The following COL4A1 variants were observed in gnomAD, a reference collection of about 807,000 sequenced individuals.
COL4A1 encodes collagen type IV alpha 1 chain, also known as collagen alpha-1(IV) chain.
A neutral mutation model predicts 216.6 loss-of-function variants in COL4A1; 40 were observed. That is an observed-to-expected ratio of 0.18 (90% confidence interval 0.14 to 0.24). The LOEUF (loss-of-function observed/expected upper bound fraction) is 0.24. COL4A1 is among the 10% of genes least tolerant of loss of function. The pLI is 1.00. For missense variants in COL4A1, 1,628 were observed against 2,196.8 expected (o/e 0.74, Z 5.18); for synonymous variants, 839 against 810.7 (o/e 1.03, Z -0.59).
intron 2 of COL4A1, among the ~76,000 whole-genome samples, chr13:110,237,916 CT>C (rs1221803689): frequency 1.7e-4 from 26 of 152,250 alleles, no homozygotes. Context: ...ACATTAAACT[CT>C]TCCCAGATTT....
chr13:110,186,257 C>T (rs1369372144), intron 26 of COL4A1, 128 bp downstream of exon 26: 2 of 1,213,078 alleles, frequency 1.6e-6, no homozygotes, highest in South Asian at 1.2e-5. Flanking sequence ...TGCCCCAATT[C>T]CTGGAAGAAT....
At chr13:110,218,754 T>C (rs1181987300) in intron 2 of COL4A1, among the ~76,000 whole-genome samples, 1 of 152,146 alleles carries the variant, frequency 6.6e-6, no homozygotes, top group Non-Finnish European at 1.5e-5. Context: ...GGCTGAGAGG[T>C]GCAGGGCAAG....
At position 110,173,913 on chromosome 13, in the gene COL4A1, C is replaced by A; in HGVS notation, c.3492G>T (p.Glu1164Asp). ...GTTGGGCCATACCTGGTTCACCCTT[C>A]TCTCCTGCTGACCCCGGGATTCCAT... ...GSDGIPGSAGEKGEPGLPGRG... is the reference protein window; with the variant it reads ...GSDGIPGSAGDKGEPGLPGRG... Residue 1164 changes from glutamate to aspartate, a missense_variant, in exon 40 of 52, where the codon GAG becomes GAT. Glu to Asp is a conservative substitution (Grantham distance 45). Transcript: ENST00000375820. 4 of 1,614,238 alleles carry A rather than the reference C, an allele frequency of 2.5e-6. No individual in the cohort carries two copies. The African/African-American group carries it at 4.0e-5, about 16-fold the overall frequency.
chr13:110,214,733 G>T (rs1041635371), intron 2 of COL4A1, among the ~76,000 whole-genome samples: 1 of 152,170 alleles, frequency 6.6e-6, no homozygotes, highest in African/African-American at 2.4e-5. Context: ...GCTGGCCTTG[G>T]ACCCAGTTAC....
chr13:110,268,317 C>T lies in COL4A1; in HGVS notation c.85-25583G>A, dbSNP rs9301441. ...ACTCTGATGCCTGTCGTGCCAGGCT[C>T]AGGAGCTTGGACCTGAATGCAAAAG... On this transcript the variant is annotated intron_variant, in intron 1 of 51. Transcript: ENST00000375820. This position sits in a 1 kb window ranked among gnomAD's most constrained non-coding sequence, Gnocchi z 4.1. Among the ~76,000 whole-genome samples the T allele has an allele frequency of 0.49, 74,789 of 151,906 alleles. 19,579 individuals carry two copies. Among genetic ancestry groups the T allele is most frequent in the Admixed American group, 0.6 (9,194 of 15,284 alleles).
At chr13:110,239,323 T>C (rs1881456809) in intron 2 of COL4A1, among the ~76,000 whole-genome samples, 1 of 152,198 alleles carries the variant, frequency 6.6e-6, no homozygotes. Flanking sequence ...ACTGGAGATA[T>C]TCCAGTTTCT....
intron 24 of COL4A1, among the ~76,000 whole-genome samples, chr13:110,189,693 CTT>C (rs1878549995): frequency 6.6e-6 from 1 of 152,204 alleles, no homozygotes; most frequent in African/African-American, 2.4e-5. Flanking sequence ...AACTGTTTCT[CTT>C]GAGTTAATAT....
In COL4A1 at chr13:110,213,766, T is replaced by A; in HGVS notation, c.279+16A>T. On this transcript the variant is annotated intron_variant, in intron 4 of 51. Transcript: ENST00000375820. ...CACGCATGGAATCATCGATTGTGAG[T>A]AGCAACTGTACTCACTCTTGTCCCT... 1 of 1,613,684 alleles carries A rather than the reference T, an allele frequency of 6.2e-7. No homozygotes were observed. Among genetic ancestry groups the A allele is most frequent in the Non-Finnish European group, 8.5e-7 (1 of 1,179,610 alleles).
chr13:110,199,353 A>C (rs1403981112), intron 20 of COL4A1, among the ~76,000 whole-genome samples: 1 of 152,206 alleles, frequency 6.6e-6, no homozygotes, highest in East Asian at 1.9e-4. Context: ...ACTTGGCAGG[A>C]ATGAAGAGCA....
chr13:110,200,761 A>G, intron 20 of COL4A1, 93 bp downstream of exon 20: 3 of 1,330,720 alleles, frequency 2.3e-6, no homozygotes, highest in Non-Finnish European at 3.2e-6. Context: ...TTGTGTGCAA[A>G]TATCTAACAT....
intron 1 of COL4A1, among the ~76,000 whole-genome samples, chr13:110,250,316 A>G (rs1024058819): frequency 1.8e-4 from 27 of 152,248 alleles, no homozygotes; most frequent in South Asian, 2.1e-4. Context: ...TACATGCTCT[A>G]TTCTGCTTCT....
In COL4A1 at chr13:110,174,480, T is replaced by C; in HGVS notation, c.3372A>G (p.Gly1124=). Reference sequence around the variant, plus strand: ...CTTTGACACCAGGGATGCCATCCAATCCTGGGAGGCCTTTGTCACCTTTTT... The same window carrying C: ...CTTTGACACCAGGGATGCCATCCAACCCTGGGAGGCCTTTGTCACCTTTTT... The part of the protein sequence containing the change: ...PGEKGDKGLP[G]LDGIPGVKGE... The change falls in exon 39 of 52, where the codon GGA becomes GGG. Residue 1124 remains glycine (G), a synonymous_variant. Coordinates refer to ENST00000375820, the MANE Select transcript of COL4A1 (RefSeq NM_001845.6). 2 of 1,614,078 alleles carry C rather than the reference T, an allele frequency of 1.2e-6. No individual in the cohort carries two copies. The highest frequency in any genetic ancestry group is 1.7e-6 in the Non-Finnish European group (2 of 1,180,008).
chr13:110,169,428 T>C (rs1395862304), intron 43 of COL4A1, among the ~76,000 whole-genome samples: 3 of 151,296 alleles, frequency 2.0e-5, no homozygotes, highest in Admixed American at 1.3e-4. Context: ...CCTACTCTGA[T>C]GCCAATAAAG....
At chr13:110,285,122 A>T (rs1241113619) in intron 1 of COL4A1, among the ~76,000 whole-genome samples, 1 of 152,264 alleles carries the variant, frequency 6.6e-6, no homozygotes, top group Non-Finnish European at 1.5e-5. Flanking sequence ...AAATGTAACC[A>T]ATAGATCAAT....
chr13:110,295,670 C>T (rs1434202069), intron 1 of COL4A1, among the ~76,000 whole-genome samples: 2 of 152,194 alleles, frequency 1.3e-5, no homozygotes, highest in Non-Finnish European at 2.9e-5. Flanking sequence ...AGGTGATCCA[C>T]CCGCCTCGTC....
At chr13:110,185,890 C>T (rs1228440334) in intron 26 of COL4A1, among the ~76,000 whole-genome samples, 6 of 152,136 alleles carry the variant, frequency 3.9e-5, no homozygotes, top group Non-Finnish European at 7.3e-5. Flanking sequence ...GAGCTTGGCG[C>T]GTGATTCACT....
chr13:110,202,327 T>G lies in COL4A1; in HGVS notation c.1000-805A>C, dbSNP rs573380302. Among the ~76,000 whole-genome samples, 323 of 151,920 alleles carry G rather than the reference T, an allele frequency of 2.1e-3. 1 individual carries two copies. The highest frequency in any genetic ancestry group is 3.0e-3 in the Non-Finnish European group (204 of 68,010). ...GCTCCTTAACAAGGAGAAAATTCAC[T>G]GGCCCTGATTCTAAATTAATGGAAT... On this transcript the variant is annotated intron_variant, in intron 18 of 51. Transcript: ENST00000375820.
At chr13:110,163,955 G>GCTTGTT (rs1031536015) in intron 46 of COL4A1, among the ~76,000 whole-genome samples, 1 of 148,172 alleles carries the variant, frequency 6.7e-6, no homozygotes, top group African/African-American at 2.5e-5. Context: ...CATGTACATA[G>GCTTGTT]CTTGTTCTTC....
intron 6 of COL4A1, 144 bp from the exon 7 acceptor site, chr13:110,212,066 G>A (rs752207803): frequency 2.9e-4 from 253 of 875,894 alleles, no homozygotes; most frequent in Non-Finnish European, 4.4e-4. Context: ...CTGTGCTACT[G>A]GGTACCACTT....
Sources: allele counts gnomAD v4.1 joint callset (sites outside exome capture counted in the v4.1 genomes callset), GRCh38; gene constraint gnomAD v4.1.1; non-coding constraint Gnocchi (gnomAD v3.1); transcripts MANE v1.5; gene names NCBI Gene and HGNC (gene_info 2026-07-23, HGNC 2026-07-21).